Variants in TENM3 observed in about 807,000 individuals in gnomAD.
The protein encoded by TENM3 is teneurin transmembrane protein 3.
A neutral mutation model predicts 255.1 loss-of-function variants in TENM3; 63 were observed. That is an observed-to-expected ratio of 0.25 (90% CI 0.20 to 0.30). The LOEUF (loss-of-function observed/expected upper bound fraction) is 0.30, where lower values mean the gene tolerates loss of function less well. Ranked by LOEUF, TENM3 falls within the 10% of genes least tolerant of loss-of-function variation. The probability of loss-of-function intolerance (pLI) is 1.00; values close to 1 mark genes in which losing one functional copy is unlikely to be tolerated. For synonymous variants in TENM3, 1,306 were observed against 1,322.3 expected (o/e 0.99, Z 0.27); for missense variants, 2,929 against 3,461.1 (o/e 0.85, Z 3.86).
chr4:181,882,401 T>A, the TENM3 span, among the ~76,000 whole-genome samples: 1 of 152,220 alleles, frequency 6.6e-6, no homozygotes, highest in African/African-American at 2.4e-5. Context: ...TTTCTCAATG[T>A]TGGAACTTCC....
At chr4:182,415,875 C>T (rs973547899) in intron 3 of TENM3, among the ~76,000 whole-genome samples, 1 of 152,152 alleles carries the variant, frequency 6.6e-6, no homozygotes, top group Non-Finnish European at 1.5e-5. Flanking sequence ...TGCAGTTATA[C>T]TGAGCTACTT....
intron 3 of TENM3, among the ~76,000 whole-genome samples, chr4:182,370,257 C>T (rs566614976): frequency 3.3e-5 from 5 of 152,288 alleles, no homozygotes; most frequent in Non-Finnish European, 5.9e-5. Context: ...TTTTTTGCAT[C>T]CATCAAACAT....
intron 3 of TENM3, among the ~76,000 whole-genome samples, chr4:182,408,205 G>T (rs1769719289): frequency 6.6e-6 from 1 of 152,116 alleles, no homozygotes. Context: ...GTAAATCATT[G>T]CAAGAATAGA....
At chr4:182,083,151 T>C in the TENM3 span, among the ~76,000 whole-genome samples, 1 of 152,204 alleles carries the variant, frequency 6.6e-6, no homozygotes, top group Non-Finnish European at 1.5e-5. Context: ...TACAACTTAA[T>C]TAAATTATCT....
Position 182,321,822 on chromosome 4 carries a change from A to G in TENM3, c.-75-2124A>G, listed in dbSNP as rs543015340. 6.5e-4 allele frequency among the ~76,000 whole-genome samples: 98 copies of G among 150,836 alleles called. 2 individuals carry two copies. Among genetic ancestry groups the G allele is most frequent in the African/African-American group, 2.3e-3 (93 of 41,084 alleles). On this transcript the variant is annotated intron_variant, in intron 1 of 27. Transcript: ENST00000511685. Reference sequence around the variant, plus strand: ...TAGCCGGATGTGGTGGTGAGCTCCTATAGTCCCAGTTACTTGGGAGGCTGA... The same window carrying G: ...TAGCCGGATGTGGTGGTGAGCTCCTGTAGTCCCAGTTACTTGGGAGGCTGA...
chr4:182,642,947 A>T (rs1375274026), intron 5 of TENM3, among the ~76,000 whole-genome samples: 2 of 152,354 alleles, frequency 1.3e-5, no homozygotes, highest in East Asian at 3.9e-4. Flanking sequence ...ATGAATTAGA[A>T]TGCCAAAATA....
the TENM3 span, among the ~76,000 whole-genome samples, chr4:181,746,098 A>G: frequency 6.6e-6 from 1 of 152,146 alleles, no homozygotes; most frequent in Non-Finnish European, 1.5e-5. Context: ...TGTTAGGATC[A>G]AAAGAGTGTA....
At chr4:181,527,603 C>T in the TENM3 span, among the ~76,000 whole-genome samples, 1 of 150,762 alleles carries the variant, frequency 6.6e-6, no homozygotes, top group African/African-American at 2.4e-5. Context: ...TGACCTCAAG[C>T]CACCATGCCC....
the TENM3 span, among the ~76,000 whole-genome samples, chr4:181,791,258 G>A: frequency 2.0e-5 from 3 of 152,208 alleles, 1 homozygote; most frequent in South Asian, 4.2e-4. Flanking sequence ...TTATTGTTTC[G>A]ATTGCCACAT....
At chr4:182,613,517 CTTTTTACATAGCTGTGGTTATGCTTAAA>C (rs1561003159) in intron 4 of TENM3, among the ~76,000 whole-genome samples, 2 of 152,126 alleles carry the variant, frequency 1.3e-5, no homozygotes, top group African/African-American at 4.8e-5. Flanking sequence ...TAGTCCTATA[CTTTTTACATAGCTGTGGTTATGCTTAAA>C]TTTTATATAA....
chr4:182,752,897 A>G (rs1458355171), intron 20 of TENM3, among the ~76,000 whole-genome samples: 1 of 151,672 alleles, frequency 6.6e-6, no homozygotes, highest in Non-Finnish European at 1.5e-5. Flanking sequence ...TGTGATACAT[A>G]TACTCACAGG....
At chr4:182,086,976 A>C in the TENM3 span, among the ~76,000 whole-genome samples, 2 of 152,296 alleles carry the variant, frequency 1.3e-5, no homozygotes, top group Admixed American at 6.5e-5. Flanking sequence ...CTAACATTGT[A>C]TGTGAATATT....
rs370565160 is a variant in TENM3, at chr4:182,674,111, T to A, written c.1326+892T>A. Among the ~76,000 whole-genome samples the A allele has an allele frequency of 1.5e-3, 229 of 152,312 alleles. 3 individuals carry two copies. The highest frequency in any genetic ancestry group is 5.8e-3 in the South Asian group (28 of 4,830). On this transcript the variant is annotated intron_variant, in intron 7 of 27. Coordinates refer to ENST00000511685, the MANE Select transcript of TENM3 (RefSeq NM_001080477.4). ...AGAGTTGATTCATTAAAATTGACAG[T>A]AGGATGAGCCTAAAGTTATATTCAA... is the stretch of plus-strand genomic sequence containing the variant.
At chr4:181,600,289 C>G in the TENM3 span, among the ~76,000 whole-genome samples, 1 of 152,136 alleles carries the variant, frequency 6.6e-6, no homozygotes, top group African/African-American at 2.4e-5. Context: ...CTGATTGACA[C>G]AGACCTACCT....
At chr4:181,643,883 C>T in the TENM3 span, among the ~76,000 whole-genome samples, 1 of 151,986 alleles carries the variant, frequency 6.6e-6, no homozygotes, top group African/African-American at 2.4e-5. Flanking sequence ...TTGAGACCAG[C>T]CTGGCCAACA....
At chr4:181,598,049 T>A in the TENM3 span, among the ~76,000 whole-genome samples, 1 of 152,180 alleles carries the variant, frequency 6.6e-6, no homozygotes, top group African/African-American at 2.4e-5. Flanking sequence ...CTTTGTCTGC[T>A]AGGGTATTAG....
At chr4:182,727,941 A>G (rs945911946) in intron 13 of TENM3, among the ~76,000 whole-genome samples, 2 of 151,108 alleles carry the variant, frequency 1.3e-5, no homozygotes, top group African/African-American at 4.9e-5. Flanking sequence ...GCTCACTACA[A>G]CCTCTGCCTC....
At chr4:182,385,574 T>G (rs1301934016) in intron 3 of TENM3, among the ~76,000 whole-genome samples, 2 of 152,188 alleles carry the variant, frequency 1.3e-5, no homozygotes, top group African/African-American at 2.4e-5. Context: ...CAGTGCATCT[T>G]CTAAAGATAA....
At chr4:181,595,921 C>T in the TENM3 span, among the ~76,000 whole-genome samples, 7 of 152,150 alleles carry the variant, frequency 4.6e-5, no homozygotes, top group African/African-American at 9.7e-5. Flanking sequence ...GCCACTCATG[C>T]GAGAGTGCTC....
Sources: allele counts gnomAD v4.1 joint callset (sites outside exome capture counted in the v4.1 genomes callset), GRCh38; gene constraint gnomAD v4.1.1; transcripts MANE v1.5; gene names NCBI Gene and HGNC (gene_info 2026-07-23, HGNC 2026-07-21).